Variants in CCNB1IP1 observed in about 807,000 individuals in gnomAD.
CCNB1IP1 encodes cyclin B1 interacting protein 1, also known as E3 ubiquitin-protein ligase CCNB1IP1.
Under a neutral mutation model 25.6 loss-of-function variants are expected in CCNB1IP1, and 14 were observed. That is an observed-to-expected ratio of 0.55 (90% confidence interval 0.36 to 0.85). The LOEUF (loss-of-function observed/expected upper bound fraction) is 0.85, where lower values mean the gene tolerates loss of function less well. Ranked by LOEUF, CCNB1IP1 falls within the 40% of genes least tolerant of loss-of-function variation. CCNB1IP1 has a pLI of 0.01. For missense variants in CCNB1IP1, 278 were observed against 342.4 expected, an observed-to-expected ratio of 0.81 and a Z score of 1.48; for synonymous variants, 119 against 116.1, an observed-to-expected ratio of 1.02 and a Z score of -0.16.
Position 20,311,672 on chromosome 14 carries a change from A to G in CCNB1IP1, c.712T>C (p.Phe238Leu). The change falls in exon 7 of 7, where the codon TTT becomes CTT. Residue 238 changes from phenylalanine (F) to leucine (L), a missense_variant. Phe to Leu is a conservative substitution (Grantham distance 22). Coordinates refer to ENST00000358932, the MANE Select transcript of CCNB1IP1 (RefSeq NM_021178.5). The stretch of plus-strand genomic sequence containing the variant: ...GGTGCTGTGGGAGAACCCGCAAAAA[A>G]TGGTCTGAACTGAAAATCTCCATCT... ...DGDGDFQFRP[F>L]FAGSPTAPEP... 1.2e-6 allele frequency: 2 copies of G among 1,614,200 alleles called. No homozygotes were observed. The highest frequency in any genetic ancestry group is 1.7e-6 in the Non-Finnish European group (2 of 1,180,024).
chr14:20,320,911 G>A (rs1323735796), intron 4 of CCNB1IP1, among the ~76,000 whole-genome samples: 1 of 151,980 alleles, frequency 6.6e-6, no homozygotes, highest in Non-Finnish European at 1.5e-5. Context: ...GTCAAGGTGG[G>A]TGGATCACCT....
At chr14:20,312,261 C>A (rs1420729343) in intron 6 of CCNB1IP1, among the ~76,000 whole-genome samples, 1 of 152,136 alleles carries the variant, frequency 6.6e-6, no homozygotes, top group African/African-American at 2.4e-5. Context: ...CTATAATGCC[C>A]ATTTACAGTA....
chr14:20,330,232 GTGGGAGCTAAATCTTGCGT>G (rs1197380017), intron 1 of CCNB1IP1, among the ~76,000 whole-genome samples: 21 of 152,192 alleles, frequency 1.4e-4, no homozygotes, highest in Middle Eastern at 3.4e-3. Flanking sequence ...TCACTTATAA[GTGGGAGCTAAATCTTGCGT>G]TGGGAGCTAA....
At chr14:20,333,076 C>T (rs1038906619) in intron 1 of CCNB1IP1, 178 bp downstream of exon 1, 2 of 152,308 alleles carry the variant, frequency 1.3e-5, no homozygotes, top group Non-Finnish European at 2.9e-5. Context: ...CACGTGGAAA[C>T]AAGCCAGGAA....
chr14:20,313,915 T>C (rs560950659), intron 5 of CCNB1IP1, 114 bp from the exon 6 acceptor site: 1 of 757,402 alleles, frequency 1.3e-6, no homozygotes, highest in African/African-American at 1.8e-5. Context: ...TGTTATTTTA[T>C]CATTTAGAAC....
intron 2 of CCNB1IP1, among the ~76,000 whole-genome samples, chr14:20,327,678 T>C (rs912333501): frequency 3.3e-5 from 5 of 152,028 alleles, no homozygotes; most frequent in Admixed American, 1.3e-4. Context: ...ACTGCAGTTA[T>C]ACTTTCATCA....
At position 20,315,973 on chromosome 14, in the gene CCNB1IP1, AGT is replaced by A. The variant is rs1262101364; in HGVS notation, c.297+252_297+253del. 533 of 468,262 alleles carry A rather than the reference AGT, an allele frequency of 1.1e-3. 11 individuals carry two copies. In the South Asian group the frequency reaches 0.013, roughly 11 times the overall value. The allele number at this position is 468,262 out of a possible 1,614,324, so 29.0% of individuals were successfully genotyped here. A position where few individuals can be genotyped will look rare whatever the true frequency, so the allele number is the denominator to read the frequency against. ...TTACTTTTATACAGAAGAGAGAGAG[AGT>A]GTGTGAGTGTGTGTGTGTGTATACC... is the stretch of plus-strand genomic sequence containing the variant. On this transcript the variant is annotated intron_variant, in intron 5 of 6. Transcript: ENST00000358932.
intron 1 of CCNB1IP1, among the ~76,000 whole-genome samples, chr14:20,332,026 A>ATATATATTTTTT (rs59034398): frequency 4.9e-5 from 2 of 40,740 alleles, no homozygotes; most frequent in Admixed American, 4.5e-4. Flanking sequence ...ATATATATAT[A>ATATATATTTTTT]TTTTTTTTTT....
At position 20,321,136 on chromosome 14, in the gene CCNB1IP1, C is replaced by CA. The variant is rs11357993; in HGVS notation, c.-38+4402dup. Among the ~76,000 whole-genome samples the CA allele has an allele frequency of 2.7e-4, 37 of 138,186 alleles. 1 individual carries two copies. The highest frequency in any genetic ancestry group is 1.9e-3 in the East Asian group (9 of 4,654). 90.7% of individuals were successfully genotyped at this position (138,186 alleles called of 152,430 possible). ...TGGGCAGCAAGAGCAAACTCCGTCTCAAAAAAAAAAAAAGAAATACTTTCC... is the reference window on the plus strand; with the variant it reads ...TGGGCAGCAAGAGCAAACTCCGTCTCAAAAAAAAAAAAAAGAAATACTTTCC... On this transcript the variant is annotated intron_variant, in intron 4 of 6. Coordinates refer to ENST00000358932, the MANE Select transcript of CCNB1IP1 (RefSeq NM_021178.5).
In CCNB1IP1 at chr14:20,313,751, G is replaced by A. The variant is rs923496966; in HGVS notation, c.348C>T (p.Gly116=). Residue 116 remains glycine (G), a synonymous_variant, in exon 6 of 7, where the codon GGC becomes GGT. Coordinates refer to ENST00000358932, the MANE Select transcript of CCNB1IP1 (RefSeq NM_021178.5). The part of the protein sequence containing the change: ...YQEYNFSKAE[G]HLKQMEKIYT... ...ATATCTTCTCCATCTGTTTCAGATG[G>A]CCCTCAGCCTTGCTGAAATTGTATT... 1 of 1,604,028 alleles carries A rather than the reference G, an allele frequency of 6.2e-7. No individual in the cohort carries two copies. The highest frequency in any genetic ancestry group is 8.5e-7 in the Non-Finnish European group (1 of 1,175,264).
rs544673269 is a variant in CCNB1IP1 at position 20,323,872 on chromosome 14, C to G, written c.-38+1667G>C. On this transcript the variant is annotated intron_variant, in intron 4 of 6. Transcript: ENST00000358932. ...GGCGGAGCTTGCAGTGAGCCCAGAT[C>G]GTGCCACTGCACTCCAGCCTGGGCG... Among the ~76,000 whole-genome samples, 135 of 133,654 alleles carry G rather than the reference C, an allele frequency of 1.0e-3. 1 individual carries two copies. In the Middle Eastern group the frequency reaches 0.015, roughly 15 times the overall value. 87.7% of individuals were successfully genotyped at this position (133,654 alleles called of 152,430 possible). A position where few individuals can be genotyped will look rare whatever the true frequency, so the allele number is the denominator to read the frequency against.
At chr14:20,321,007 G>A (rs751169448) in intron 4 of CCNB1IP1, among the ~76,000 whole-genome samples, 5 of 149,892 alleles carry the variant, frequency 3.3e-5, no homozygotes, top group Admixed American at 1.3e-4. Context: ...GTATGGTGGT[G>A]CATGCCTGTA....
intron 5 of CCNB1IP1, among the ~76,000 whole-genome samples, chr14:20,314,965 C>A (rs1324054691): frequency 1.3e-5 from 2 of 150,520 alleles, no homozygotes; most frequent in Non-Finnish European, 3.0e-5. Context: ...GTGGCGGGCG[C>A]CTGTAGTCCC....
intron 5 of CCNB1IP1, among the ~76,000 whole-genome samples, chr14:20,315,216 G>A (rs1047922120): frequency 7.2e-6 from 1 of 138,770 alleles, no homozygotes; most frequent in Non-Finnish European, 1.5e-5. Context: ...TCAGAGACAT[G>A]CAAATTAAAA....
intron 5 of CCNB1IP1, chr14:20,315,836 G>T: frequency 9.6e-7 from 1 of 1,038,576 alleles, no homozygotes. Flanking sequence ...TTGAACCCAG[G>T]AGTTAGAGAC....
intron 4 of CCNB1IP1, among the ~76,000 whole-genome samples, chr14:20,316,888 C>G (rs1882717611): frequency 6.6e-6 from 1 of 152,122 alleles, no homozygotes; most frequent in South Asian, 2.1e-4. Context: ...CAGGCGGGGT[C>G]CCTTCAGGTC....
intron 6 of CCNB1IP1, 69 bp downstream of exon 6, chr14:20,313,399 G>C (rs537252194): frequency 8.1e-6 from 10 of 1,235,164 alleles, no homozygotes; most frequent in South Asian, 1.5e-5. Flanking sequence ...TGAATGCTTG[G>C]AAGTGGGCAG....
chr14:20,326,395 C>A, intron 3 of CCNB1IP1: 1 of 499,658 alleles, frequency 2.0e-6, no homozygotes, highest in Non-Finnish European at 4.1e-6. Context: ...CAGACTAAAT[C>A]CCAGTATGAA....
chr14:20,323,695 G>A (rs1450577640), intron 4 of CCNB1IP1, among the ~76,000 whole-genome samples: 2 of 152,110 alleles, frequency 1.3e-5, no homozygotes, highest in South Asian at 2.1e-4. Flanking sequence ...TTGGGAGGCC[G>A]AGGCGGGTGG....
Sources: gnomAD v4.1 joint callset for allele counts (sites outside exome capture counted in the v4.1 genomes callset) on GRCh38, gnomAD v4.1.1 for gene constraint, MANE v1.5 for transcripts, NCBI Gene and HGNC (gene_info 2026-07-23, HGNC 2026-07-21) for gene names.